Variants in ENTREP2 observed in about 807,000 individuals in gnomAD.
The protein encoded by ENTREP2 is endosomal transmembrane epsin interactor 2.
the ENTREP2 span, among the ~76,000 whole-genome samples, chr15:29,190,938 T>C: frequency 6.6e-6 from 1 of 152,162 alleles, no homozygotes; most frequent in Non-Finnish European, 1.5e-5. Flanking sequence ...TAGCTAAGCG[T>C]CAAGAACATT....
At chr15:29,263,263 G>A in the ENTREP2 span, among the ~76,000 whole-genome samples, 6 of 152,266 alleles carry the variant, frequency 3.9e-5, no homozygotes, top group East Asian at 3.9e-4. Flanking sequence ...CCAAACTTTC[G>A]AAAACATCTA....
At chr15:29,424,734 A>T in the ENTREP2 span, among the ~76,000 whole-genome samples, 2 of 152,224 alleles carry the variant, frequency 1.3e-5, no homozygotes, top group Non-Finnish European at 2.9e-5. Context: ...TCAAGCTCAC[A>T]GCTTTTTCAA....
chr15:29,363,562 G>A, the ENTREP2 span, among the ~76,000 whole-genome samples: 1 of 152,140 alleles, frequency 6.6e-6, no homozygotes, highest in Admixed American at 6.6e-5. Flanking sequence ...ATTGAAAAAT[G>A]ATCAGCATAG....
At chr15:29,385,385 C>T in the ENTREP2 span, among the ~76,000 whole-genome samples, 17 of 152,170 alleles carry the variant, frequency 1.1e-4, no homozygotes, top group South Asian at 2.1e-4. Flanking sequence ...TCAACAAACA[C>T]GGGTGACTTG....
chr15:29,600,902 C>CTTTTTTT, the ENTREP2 span, among the ~76,000 whole-genome samples: 3 of 123,624 alleles, frequency 2.4e-5, 1 homozygote, highest in African/African-American at 1.1e-4. Context: ...ATTTTTCTTT[C>CTTTTTTT]TTTTTTTTTT....
the ENTREP2 span, among the ~76,000 whole-genome samples, chr15:29,590,683 C>CAAAA: frequency 8.0e-4 from 60 of 75,086 alleles, 1 homozygote; most frequent in Admixed American, 1.5e-3. Flanking sequence ...GACTCCGTCT[C>CAAAA]AAAAAAAAAA....
the ENTREP2 span, chr15:29,267,509 G>C: frequency 3.3e-5 from 5 of 152,122 alleles, no homozygotes; most frequent in African/African-American, 1.2e-4. Context: ...AGCATGAGCC[G>C]TAATTCAAAT....
At chr15:29,561,963 G>A in the ENTREP2 span, among the ~76,000 whole-genome samples, 7 of 152,268 alleles carry the variant, frequency 4.6e-5, no homozygotes, top group East Asian at 1.2e-3. Context: ...GGTGAATATC[G>A]CCAATGGTGA....
At chr15:29,234,534 G>A in the ENTREP2 span, 1 of 1,378,272 alleles carries the variant, frequency 7.3e-7, no homozygotes, top group African/African-American at 1.4e-5. Flanking sequence ...TATGGTATTG[G>A]TGGGCAAATA....
At chr15:29,468,901 A>C in the ENTREP2 span, among the ~76,000 whole-genome samples, 1 of 152,146 alleles carries the variant, frequency 6.6e-6, no homozygotes, top group Non-Finnish European at 1.5e-5. Context: ...AAAATATATT[A>C]ATATGATTTT....
chr15:29,134,994 G>T, the ENTREP2 span, among the ~76,000 whole-genome samples: 2 of 152,032 alleles, frequency 1.3e-5, no homozygotes, highest in African/African-American at 4.8e-5. Context: ...ACCATCCGGG[G>T]CTCCACGGCT....
At chr15:29,611,666 C>T in the ENTREP2 span, among the ~76,000 whole-genome samples, 1 of 152,092 alleles carries the variant, frequency 6.6e-6, no homozygotes, top group South Asian at 2.1e-4. Context: ...CCCGATTTTC[C>T]TTCCAGTGTC....
chr15:29,570,911 C>A, the ENTREP2 span, among the ~76,000 whole-genome samples: 5 of 143,910 alleles, frequency 3.5e-5, no homozygotes, highest in Admixed American at 1.4e-4. Flanking sequence ...CCCGCAGCCC[C>A]CGCCGGTGCC....
chr15:29,417,930 C>G, the ENTREP2 span, among the ~76,000 whole-genome samples: 1 of 152,042 alleles, frequency 6.6e-6, no homozygotes, highest in Non-Finnish European at 1.5e-5. Flanking sequence ...CTACATTCCA[C>G]AAAGCAATTA....
the ENTREP2 span, among the ~76,000 whole-genome samples, chr15:29,193,697 A>G: frequency 6.6e-6 from 1 of 152,218 alleles, no homozygotes; most frequent in African/African-American, 2.4e-5. Context: ...GGAGAATGGA[A>G]GACGTAAAAT....
At chr15:29,581,319 A>G in the ENTREP2 span, among the ~76,000 whole-genome samples, 1 of 152,296 alleles carries the variant, frequency 6.6e-6, no homozygotes, top group Non-Finnish European at 1.5e-5. Flanking sequence ...AAAAGGCAAT[A>G]AGAAATACAA....
the ENTREP2 span, among the ~76,000 whole-genome samples, chr15:29,627,350 C>A: frequency 1.3e-5 from 2 of 152,010 alleles, no homozygotes; most frequent in African/African-American, 4.8e-5. Context: ...CAAGACCATC[C>A]TGGGCAACAT....
chr15:29,146,737 A>G, the ENTREP2 span, among the ~76,000 whole-genome samples: 2 of 152,148 alleles, frequency 1.3e-5, no homozygotes, highest in Non-Finnish European at 2.9e-5. Flanking sequence ...GGAGTTTGAG[A>G]CCAGCCTGGC....
At chr15:29,504,503 TAGAC>T in the ENTREP2 span, among the ~76,000 whole-genome samples, 16 of 152,270 alleles carry the variant, frequency 1.1e-4, no homozygotes, top group East Asian at 1.9e-4. Context: ...ACAGAGGAAA[TAGAC>T]AGGTTGGAAA....
Sources: allele counts gnomAD v4.1 joint callset (sites outside exome capture counted in the v4.1 genomes callset), GRCh38; gene constraint gnomAD v4.1.1; transcripts MANE v1.5; gene names NCBI Gene and HGNC (gene_info 2026-07-23, HGNC 2026-07-21).